TMEM178B: variants seen among roughly 807,000 people sequenced by gnomAD.
TMEM178B encodes the protein transmembrane protein 178B.
TMEM178B carries 5 observed loss-of-function variants against 31.0 expected under a neutral mutation model. The ratio of observed to expected loss-of-function variants is 0.16; its 90% CI spans 0.08 to 0.34. The LOEUF is 0.34. Among genes scored for constraint, TMEM178B ranks in the 10% least tolerant of loss-of-function variants. TMEM178B has a pLI of 1.00. For missense variants in TMEM178B, 275 were observed against 400.3 expected, an observed-to-expected ratio of 0.69 and a Z score of 2.67; for synonymous variants, 164 against 164.0, an observed-to-expected ratio of 1.00 and a Z score of 0.00.
chr7:141,339,705 C>T (rs917177232), intron 2 of TMEM178B, among the ~76,000 whole-genome samples: 2 of 152,196 alleles, frequency 1.3e-5, no homozygotes, highest in Admixed American at 6.5e-5. Context: ...AGAAACCAGT[C>T]GTTGATGCTG....
chr7:141,283,994 C>A (rs764616087), intron 2 of TMEM178B, among the ~76,000 whole-genome samples: 30 of 152,200 alleles, frequency 2.0e-4, no homozygotes, highest in Non-Finnish European at 3.4e-4. Context: ...GAGCTGAACC[C>A]GACCTCCTTC....
At chr7:141,482,016 T>C (rs1802484611), downstream of TMEM178B, among the ~76,000 whole-genome samples, 1 of 152,200 alleles carries the variant, frequency 6.6e-6, no homozygotes, top group Non-Finnish European at 1.5e-5. Context: ...CGATGCTCTG[T>C]GGACAGCCTC....
intron 1 of TMEM178B, among the ~76,000 whole-genome samples, chr7:141,188,269 GC>G (rs1351871429): frequency 6.6e-6 from 1 of 152,154 alleles, no homozygotes; most frequent in Non-Finnish European, 1.5e-5. Flanking sequence ...TATGGGTTGA[GC>G]ATCCCTAATC....
At chr7:141,460,431 C>T (rs1286796411) in intron 3 of TMEM178B, among the ~76,000 whole-genome samples, 4 of 152,230 alleles carry the variant, frequency 2.6e-5, no homozygotes, top group Non-Finnish European at 5.9e-5. Context: ...TCTTTAAGAG[C>T]CCAATCTCCA....
At chr7:141,481,222 G>A (rs1238116119), downstream of TMEM178B, among the ~76,000 whole-genome samples, 1 of 152,212 alleles carries the variant, frequency 6.6e-6, no homozygotes, top group Non-Finnish European at 1.5e-5. Flanking sequence ...TAGCTCTGGT[G>A]TCAGAATCCC....
chr7:141,221,738 G>A (rs1797261017), intron 2 of TMEM178B, among the ~76,000 whole-genome samples: 1 of 152,190 alleles, frequency 6.6e-6, no homozygotes, highest in Admixed American at 6.5e-5. Context: ...TGGGTGTTCT[G>A]AAGATGGGGA....
chr7:141,312,534 A>G (rs1019933256), intron 2 of TMEM178B, among the ~76,000 whole-genome samples: 1 of 152,218 alleles, frequency 6.6e-6, no homozygotes. Context: ...AGATATTTCA[A>G]TGGCCCTGAG....
rs969653768 is a variant in TMEM178B at position 141,087,435 on chromosome 7, A to C, written c.382+12743A>C. On this transcript the variant is annotated intron_variant, in intron 1 of 3. Transcript: ENST00000565468. ...TTTCCTGCTGCTTGTGGAGAAAAAA[A>C]ATCAAGAATTCCAAGAGCCACTAAA... 3.9e-5 allele frequency among the ~76,000 whole-genome samples: 6 copies of C among 152,306 alleles called. No individual in the cohort carries two copies. In the South Asian group the frequency reaches 1.2e-3, roughly 32 times the overall value.
chr7:141,342,111 C>A (rs772162643), intron 2 of TMEM178B, among the ~76,000 whole-genome samples: 2 of 152,068 alleles, frequency 1.3e-5, no homozygotes, highest in Non-Finnish European at 2.9e-5. Context: ...CCACACCTGG[C>A]TAATTTTTGT....
chr7:141,396,064 G>A (rs1007142), intron 2 of TMEM178B, among the ~76,000 whole-genome samples: 37,802 of 151,904 alleles, frequency 0.25, 4,822 homozygotes, highest in Admixed American at 0.29. Context: ...GCCATGCCCT[G>A]AGAGAGAGAG....
At chr7:141,377,680 G>C (rs935010430) in intron 2 of TMEM178B, among the ~76,000 whole-genome samples, 2 of 151,120 alleles carry the variant, frequency 1.3e-5, no homozygotes, top group Admixed American at 1.3e-4. Context: ...CTTAAAAAAA[G>C]AAAAAAGGGA....
chr7:141,256,271 A>G (rs1309483114), intron 2 of TMEM178B, among the ~76,000 whole-genome samples: 1 of 152,250 alleles, frequency 6.6e-6, no homozygotes, highest in Non-Finnish European at 1.5e-5. Flanking sequence ...GGATAGGGCT[A>G]TGAAGAAAAA....
intron 2 of TMEM178B, among the ~76,000 whole-genome samples, chr7:141,367,378 G>T (rs955101273): frequency 6.6e-6 from 1 of 151,836 alleles, no homozygotes; most frequent in African/African-American, 2.4e-5. Flanking sequence ...AAGCTCAAGC[G>T]ATTCTTGTGC....
chr7:141,101,182 GA>G (rs1245475124), intron 1 of TMEM178B, among the ~76,000 whole-genome samples: 1 of 152,088 alleles, frequency 6.6e-6, no homozygotes, highest in Non-Finnish European at 1.5e-5. Flanking sequence ...GTAAATCTGG[GA>G]AAAAAATATT....
intron 2 of TMEM178B, among the ~76,000 whole-genome samples, chr7:141,367,314 G>A (rs1800027042): frequency 6.6e-6 from 1 of 151,846 alleles, no homozygotes; most frequent in Non-Finnish European, 1.5e-5. Context: ...TGTTACCCAG[G>A]CTTGAGTGCA....
intron 1 of TMEM178B, among the ~76,000 whole-genome samples, chr7:141,116,361 A>G (rs376709491): frequency 6.6e-6 from 1 of 152,278 alleles, no homozygotes; most frequent in East Asian, 1.9e-4. Context: ...TGAAAGGGAA[A>G]AAGAGGACTC....
intron 1 of TMEM178B, among the ~76,000 whole-genome samples, chr7:141,184,788 C>T (rs1052664488): frequency 7.9e-5 from 12 of 152,202 alleles, no homozygotes; most frequent in African/African-American, 1.9e-4. Context: ...CAAGTTTACA[C>T]GCAGTGACCC....
At chr7:141,439,226 G>A (rs62486698) in intron 3 of TMEM178B, among the ~76,000 whole-genome samples, 3,317 of 152,264 alleles carry the variant, frequency 0.022, 70 homozygotes, top group African/African-American at 0.054. Flanking sequence ...GCCAAAGACA[G>A]GCAGGGTCTT....
chr7:141,317,018 C>T (rs1222320715), intron 2 of TMEM178B, among the ~76,000 whole-genome samples: 1 of 152,172 alleles, frequency 6.6e-6, no homozygotes, highest in Admixed American at 6.5e-5. Context: ...CCTTGTTCAA[C>T]TCAGATATAT....
Sources: gnomAD v4.1 joint callset for allele counts (sites outside exome capture counted in the v4.1 genomes callset) on GRCh38, gnomAD v4.1.1 for gene constraint, MANE v1.5 for transcripts, NCBI Gene and HGNC (gene_info 2026-07-23, HGNC 2026-07-21) for gene names.